Variants in GFOD2 observed in about 807,000 individuals in gnomAD.
The protein encoded by GFOD2 is Gfo/Idh/MocA-like oxidoreductase domain containing 2, also known as glucose-fructose oxidoreductase domain-containing protein 2.
Under a neutral mutation model 24.6 loss-of-function variants are expected in GFOD2, and 9 were observed. That is an observed-to-expected ratio of 0.37 (90% CI 0.22 to 0.64). GFOD2 has a LOEUF of 0.64. Among genes scored for constraint, GFOD2 ranks in the 30% least tolerant of loss-of-function variants. GFOD2 has a pLI of 0.65. For synonymous variants in GFOD2, 211 were observed against 224.8 expected (o/e 0.94, Z 0.55); for missense variants, 476 against 532.5 (o/e 0.89, Z 1.04).
At chr16:67,699,775 C>T (rs558646569) in intron 1 of GFOD2, among the ~76,000 whole-genome samples, 20 of 151,660 alleles carry the variant, frequency 1.3e-4, no homozygotes, top group African/African-American at 2.2e-4. Context: ...CAAGCCACCG[C>T]GCCCAGCCTG....
At chr16:67,715,721 T>G (rs1452596349) in intron 1 of GFOD2, among the ~76,000 whole-genome samples, 2 of 152,130 alleles carry the variant, frequency 1.3e-5, no homozygotes, top group Non-Finnish European at 2.9e-5. Context: ...ATACTGTATA[T>G]AAGTTCTCAA....
intron 1 of GFOD2, among the ~76,000 whole-genome samples, chr16:67,717,545 C>T (rs2053515806): frequency 6.6e-6 from 1 of 152,136 alleles, no homozygotes; most frequent in Non-Finnish European, 1.5e-5. Context: ...TATCCCAGCA[C>T]TTTGGGAGGC....
In GFOD2 at chr16:67,675,846, C is replaced by G; in HGVS notation, c.467G>C (p.Ser156Thr). 6.2e-7 allele frequency: 1 copy of G among 1,614,210 alleles called. No individual in the cohort carries two copies. The highest frequency in any genetic ancestry group is 8.5e-7 in the Non-Finnish European group (1 of 1,180,044). ...CCAGCCATAGCTGGGGCTCAGCAGG[C>G]TGCCTGAGTAGATGCGGGCATCACA... is the stretch of plus-strand genomic sequence containing the variant. ...MICDARIYSG[S>T]LLSPSYGWIC... is the part of the protein sequence containing the mutation. Residue 156 changes from serine (S) to threonine (T), a missense_variant, in exon 3 of 3, where the codon AGC (serine) becomes ACC (threonine). Transcript: ENST00000268797.
chr16:67,702,971 G>A (rs965781302), intron 1 of GFOD2, among the ~76,000 whole-genome samples: 2 of 152,128 alleles, frequency 1.3e-5, no homozygotes, highest in Non-Finnish European at 2.9e-5. Context: ...GGGAATTTTG[G>A]AGTCAATGGA....
intron 1 of GFOD2, among the ~76,000 whole-genome samples, chr16:67,708,134 C>G (rs1224592295): frequency 6.6e-6 from 1 of 152,138 alleles, no homozygotes; most frequent in Non-Finnish European, 1.5e-5. Context: ...TATTTAAGAT[C>G]TGTGTTTTTA....
intron 1 of GFOD2, among the ~76,000 whole-genome samples, chr16:67,689,259 G>A (rs530804084): frequency 2.5e-4 from 36 of 146,088 alleles, no homozygotes; most frequent in African/African-American, 7.6e-4. Flanking sequence ...GGCTGGTCTC[G>A]AACTCCTGAG....
At chr16:67,711,140 ACT>A (rs2053470347) in intron 1 of GFOD2, among the ~76,000 whole-genome samples, 1 of 152,100 alleles carries the variant, frequency 6.6e-6, no homozygotes, top group South Asian at 2.1e-4. Flanking sequence ...CAATTATGCA[ACT>A]CTCTCATGAT....
chr16:67,694,425 G>A (rs2053342227), intron 1 of GFOD2, among the ~76,000 whole-genome samples: 1 of 151,788 alleles, frequency 6.6e-6, no homozygotes, highest in Admixed American at 6.6e-5. Flanking sequence ...GATTATAAGC[G>A]TGACCCACTG....
At chr16:67,679,166 C>CAAAT (rs770965324) in intron 2 of GFOD2, among the ~76,000 whole-genome samples, 30 of 151,302 alleles carry the variant, frequency 2.0e-4, no homozygotes, top group Non-Finnish European at 3.5e-4. Context: ...GACTTTGTCT[C>CAAAT]AAATAAATAA....
At chr16:67,680,041 G>A (rs540910106) in intron 2 of GFOD2, among the ~76,000 whole-genome samples, 157 of 152,334 alleles carry the variant, frequency 1.0e-3, no homozygotes, top group African/African-American at 3.7e-3. Context: ...GACCATAGAT[G>A]AGTGACAGCA....
intron 1 of GFOD2, among the ~76,000 whole-genome samples, chr16:67,708,163 C>T (rs1018539302): frequency 1.3e-5 from 2 of 152,024 alleles, no homozygotes; most frequent in Non-Finnish European, 2.9e-5. Context: ...TAAATTATAC[C>T]TTAATTTTTA....
intron 1 of GFOD2, among the ~76,000 whole-genome samples, chr16:67,714,078 T>C (rs1162165758): frequency 1.3e-5 from 2 of 152,120 alleles, no homozygotes; most frequent in Non-Finnish European, 2.9e-5. Context: ...AGACCAAATA[T>C]GTATTTCACA....
At chr16:67,695,684 C>A (rs1016142797) in intron 1 of GFOD2, among the ~76,000 whole-genome samples, 12 of 151,744 alleles carry the variant, frequency 7.9e-5, no homozygotes, top group Admixed American at 2.0e-4. Flanking sequence ...TACAGGCATG[C>A]GCCACCATAC....
chr16:67,699,549 T>A (rs969737112), intron 1 of GFOD2, among the ~76,000 whole-genome samples: 6 of 151,902 alleles, frequency 3.9e-5, no homozygotes, highest in African/African-American at 1.5e-4. Context: ...AGTGGCGCAA[T>A]CTCGGCTTAC....
At chr16:67,683,022 A>G (rs1597792242) in intron 2 of GFOD2, 1 of 278,756 alleles carries the variant, frequency 3.6e-6, no homozygotes, top group Non-Finnish European at 5.4e-6. Flanking sequence ...GCTGGAGTGC[A>G]TGATCACTGC....
rs766334067 is a variant in GFOD2 at position 67,675,656 on chromosome 16, G to A, written c.657C>T (p.Ser219=). 1.2e-5 allele frequency: 20 copies of A among 1,613,286 alleles called. No individual in the cohort carries two copies. In the Middle Eastern group the frequency reaches 6.6e-4, roughly 53 times the overall value. ...AAIRGIRHVT[S]DDFCFFQMLM... is the part of the protein sequence containing the mutation. ...GCATCTGGAAGAAACAGAAGTCATC[G>A]CTAGTGACGTGCCGGATGCCACGGA... Residue 219 remains serine (S), a synonymous_variant, in exon 3 of 3, where the codon AGC becomes AGT. Transcript: ENST00000268797.
intron 2 of GFOD2, chr16:67,683,112 C>A (rs2053240690): frequency 5.8e-6 from 4 of 695,074 alleles, no homozygotes. Flanking sequence ...AGTCGCGTGC[C>A]ACCATGCCTG....
intron 1 of GFOD2, among the ~76,000 whole-genome samples, chr16:67,699,276 A>C (rs1217813035): frequency 6.6e-6 from 1 of 152,162 alleles, no homozygotes. Context: ...AAAGAGGCAG[A>C]GGCTGCAGTG....
chr16:67,703,213 G>A (rs1290960737), intron 1 of GFOD2, among the ~76,000 whole-genome samples: 1 of 152,076 alleles, frequency 6.6e-6, no homozygotes, highest in African/African-American at 2.4e-5. Context: ...AGACCAGCCT[G>A]ACCAACATGG....
Sources: gnomAD v4.1 joint callset for allele counts (sites outside exome capture counted in the v4.1 genomes callset) on GRCh38, gnomAD v4.1.1 for gene constraint, MANE v1.5 for transcripts, NCBI Gene and HGNC (gene_info 2026-07-23, HGNC 2026-07-21) for gene names.